RNF152: variants seen among roughly 807,000 people sequenced by gnomAD.
The protein encoded by RNF152 is ring finger protein 152, also known as E3 ubiquitin-protein ligase RNF152.
A neutral mutation model predicts 12.7 loss-of-function variants in RNF152; 11 were observed. The observed-to-expected ratio is 0.86, with a 90% CI of 0.54 to 1.43. The LOEUF is 1.43. Among genes scored for constraint, RNF152 ranks in the 40% most tolerant of loss-of-function variants. The pLI is 0.00. For missense variants in RNF152, 255 were observed against 274.8 expected, an observed-to-expected ratio of 0.93 and a Z score of 0.51; for synonymous variants, 113 against 120.3, an observed-to-expected ratio of 0.94 and a Z score of 0.40.
intron 1 of RNF152, among the ~76,000 whole-genome samples, chr18:61,886,641 A>G (rs4941080): frequency 0.57 from 86,400 of 152,048 alleles, 24,584 homozygotes; most frequent in East Asian, 0.75. Context: ...TCCAGGGTGA[A>G]TGATAACTGG....
intron 1 of RNF152, 130 bp downstream of exon 1, chr18:61,892,665 A>C (rs1244525683): frequency 6.6e-6 from 1 of 152,238 alleles, no homozygotes; most frequent in African/African-American, 2.4e-5. Flanking sequence ...CAGGAGTTTT[A>C]GCAGCCCCCA....
chr18:61,860,167 C>T (rs1453178910), intron 1 of RNF152, among the ~76,000 whole-genome samples: 1 of 152,124 alleles, frequency 6.6e-6, no homozygotes, highest in African/African-American at 2.4e-5. Flanking sequence ...CCCCATGGGT[C>T]TCAGAAGTGC....
intron 1 of RNF152, among the ~76,000 whole-genome samples, chr18:61,873,186 T>C (rs1383579378): frequency 6.6e-6 from 1 of 152,212 alleles, no homozygotes; most frequent in African/African-American, 2.4e-5. Flanking sequence ...ATTATGAGAA[T>C]GAAATTGGGT....
intron 1 of RNF152, among the ~76,000 whole-genome samples, chr18:61,875,647 T>G (rs1912181008): frequency 6.6e-6 from 1 of 152,192 alleles, no homozygotes; most frequent in East Asian, 1.9e-4. Flanking sequence ...AAATCTGTTT[T>G]TTTCCCTGCA....
At chr18:61,846,169 C>T (rs1034399769) in intron 1 of RNF152, among the ~76,000 whole-genome samples, 1 of 152,050 alleles carries the variant, frequency 6.6e-6, no homozygotes, top group Non-Finnish European at 1.5e-5. Flanking sequence ...TATTATAGCA[C>T]CTGAAAGGAC....
intron 1 of RNF152, among the ~76,000 whole-genome samples, chr18:61,855,471 C>G (rs978391505): frequency 3.9e-5 from 6 of 152,238 alleles, no homozygotes; most frequent in Non-Finnish European, 7.3e-5. Flanking sequence ...TGTGACACCC[C>G]CTTTGGGGCT....
rs78577910 is a variant in RNF152 at position 61,813,282 on chromosome 18, A to T, written c.*2570T>A. On this transcript the variant is annotated 3_prime_UTR_variant, in exon 2 of 2. Coordinates refer to ENST00000312828, the MANE Select transcript of RNF152 (RefSeq NM_173557.3). ...TTCTCTCTCTCTCTCTCTCTCTCAC[A>T]CACACACACACACACACACACACAC... The T allele has an allele frequency of 0.57, 65,241 of 114,382 alleles. 15,098 individuals carry two copies. The highest frequency in any genetic ancestry group is 0.63 in the South Asian group (2,364 of 3,774). The allele number at this position is 114,382 out of a possible 1,614,324, so 7.1% of individuals were successfully genotyped here. A position where few individuals can be genotyped will look rare whatever the true frequency, so the allele number is the denominator to read the frequency against.
chr18:61,826,718 T>A (rs1281616264), intron 1 of RNF152, among the ~76,000 whole-genome samples: 1 of 152,158 alleles, frequency 6.6e-6, no homozygotes, highest in Non-Finnish European at 1.5e-5. Context: ...CATTTTCCAT[T>A]AGCCCTTCCC....
chr18:61,885,993 T>C (rs1772004297), intron 1 of RNF152, among the ~76,000 whole-genome samples: 2 of 34,122 alleles, frequency 5.9e-5, no homozygotes, highest in Non-Finnish European at 1.1e-4. Context: ...TTCTTTTTTT[T>C]TTTTTTTTTT....
intron 1 of RNF152, among the ~76,000 whole-genome samples, chr18:61,849,169 C>T (rs532412228): frequency 6.6e-6 from 1 of 152,320 alleles, no homozygotes; most frequent in Admixed American, 6.5e-5. Context: ...CAGGGGAGTA[C>T]TGCCCTGCGG....
chr18:61,816,679 T>A, intron 1 of RNF152, 81 bp from the exon 2 acceptor site: 1 of 520,902 alleles, frequency 1.9e-6, no homozygotes, highest in Non-Finnish European at 3.4e-6. Context: ...ATTTATACCA[T>A]TGCTCAAAAG....
At position 61,866,338 on chromosome 18, in the gene RNF152, G is replaced by A. The variant is rs182495739; in HGVS notation, c.-136+26457C>T. 2.0e-3 allele frequency among the ~76,000 whole-genome samples: 302 copies of A among 152,300 alleles called. 1 individual carries two copies. Among genetic ancestry groups the A allele is most frequent in the Non-Finnish European group, 3.1e-3 (213 of 68,028 alleles). ...CTCGTTTATCCTCAGGACAACTTGA[G>A]GAAGTCACCCTCATTGTCTTCTTAT... On this transcript the variant is annotated intron_variant, in intron 1 of 1. Coordinates refer to ENST00000312828, the MANE Select transcript of RNF152 (RefSeq NM_173557.3).
In RNF152 at chr18:61,814,369, A is replaced by G. The variant is rs999286724; in HGVS notation, c.*1483T>C. The G allele has an allele frequency of 1.3e-5, 2 of 152,170 alleles. No individual in the cohort carries two copies. The highest frequency in any genetic ancestry group is 2.9e-5 in the Non-Finnish European group (2 of 68,046). 9.4% of individuals were successfully genotyped at this position (152,170 alleles called of 1,614,324 possible). On this transcript the variant is annotated 3_prime_UTR_variant, in exon 2 of 2. Transcript: ENST00000312828. ...GTGGAACATAAAAACAGTTATATTT[A>G]TAAGTGGAGTCCTTGTCACATACCA...
chr18:61,859,034 C>A (rs1313292524), intron 1 of RNF152, among the ~76,000 whole-genome samples: 1 of 152,142 alleles, frequency 6.6e-6, no homozygotes, highest in African/African-American at 2.4e-5. Context: ...CCCTTTCTAA[C>A]CCACATGGGC....
chr18:61,829,043 C>T (rs570829200), intron 1 of RNF152, among the ~76,000 whole-genome samples: 102 of 152,216 alleles, frequency 6.7e-4, no homozygotes, highest in African/African-American at 2.3e-3. Context: ...GAGACCAAGA[C>T]GAGGGGAGGC....
At chr18:61,879,965 CAAA>C (rs11341958) in intron 1 of RNF152, among the ~76,000 whole-genome samples, 4 of 140,224 alleles carry the variant, frequency 2.9e-5, no homozygotes, top group Non-Finnish European at 4.6e-5. Flanking sequence ...AACTCCATCT[CAAA>C]AAAAAAAAAA....
At chr18:61,836,160 A>G (rs1221587176) in intron 1 of RNF152, among the ~76,000 whole-genome samples, 1 of 152,194 alleles carries the variant, frequency 6.6e-6, no homozygotes, top group Non-Finnish European at 1.5e-5. Flanking sequence ...ACATCTTTGG[A>G]GAAATGGTTG....
chr18:61,816,969 T>C (rs9951639), intron 1 of RNF152, among the ~76,000 whole-genome samples: 59,538 of 152,112 alleles, frequency 0.39, 12,378 homozygotes, highest in Non-Finnish European at 0.46. Context: ...AAGTTCATAG[T>C]ATTTCCTAGA....
At chr18:61,874,594 C>G (rs61472157) in intron 1 of RNF152, among the ~76,000 whole-genome samples, 1 of 152,248 alleles carries the variant, frequency 6.6e-6, no homozygotes, top group Admixed American at 6.5e-5. Context: ...GGTGGCAGTA[C>G]ATAGGCTGAG....
Sources: allele counts gnomAD v4.1 joint callset (sites outside exome capture counted in the v4.1 genomes callset), GRCh38; gene constraint gnomAD v4.1.1; transcripts MANE v1.5; gene names NCBI Gene and HGNC (gene_info 2026-07-23, HGNC 2026-07-21).